The following TRAPPC9 variants were observed in gnomAD, a reference collection of about 807,000 sequenced individuals.
TRAPPC9 encodes the protein trafficking protein particle complex subunit 9.
In TRAPPC9, 83 loss-of-function variants were observed where a neutral mutation model predicts 124.0. The observed-to-expected ratio is 0.67, with a 90% confidence interval of 0.56 to 0.80. TRAPPC9 has a LOEUF of 0.80. TRAPPC9 is among the 30% of genes least tolerant of loss of function. The pLI is 0.00. For missense variants in TRAPPC9, 1,302 were observed against 1,508.3 expected (o/e 0.86, Z 2.27); for synonymous variants, 638 against 617.5 (o/e 1.03, Z -0.49).
At chr8:140,426,788 G>A in intron 4 of TRAPPC9, 147 bp from the exon 5 acceptor site, 1 of 769,018 alleles carries the variant, frequency 1.3e-6, no homozygotes, top group South Asian at 1.6e-5. Flanking sequence ...GGAACAGTAT[G>A]TTACAAGTTT....
At position 139,980,736 on chromosome 8, in the gene TRAPPC9, C is replaced by T. The variant is rs1380110138; in HGVS notation, c.2810+7990G>A. ...GGAGTTGAGGCTGCAGAGGGCTCCG[C>T]GTGGCTCCAGCCCGTGCGTGTTCAT... On this transcript the variant is annotated intron_variant, in intron 19 of 22. Coordinates refer to ENST00000438773, the MANE Select transcript of TRAPPC9 (RefSeq NM_001160372.4). Among the ~76,000 whole-genome samples the T allele has an allele frequency of 4.6e-5, 7 of 152,310 alleles. No individual in the cohort carries two copies. In the East Asian group the frequency reaches 1.4e-3, roughly 29 times the overall value.
chr8:140,334,542 C>T (rs929601696), intron 9 of TRAPPC9, among the ~76,000 whole-genome samples: 1 of 151,832 alleles, frequency 6.6e-6, no homozygotes, highest in East Asian at 1.9e-4. Context: ...CCCAGCTACT[C>T]GGGAGGCTGA....
chr8:140,138,792 G>A (rs546435366), intron 17 of TRAPPC9, among the ~76,000 whole-genome samples: 4 of 152,190 alleles, frequency 2.6e-5, no homozygotes, highest in South Asian at 2.1e-4. Context: ...GGTTGGTGCC[G>A]GTATTTTTTC....
rs1835674183 is a variant in TRAPPC9 at position 139,965,879 on chromosome 8, A to G, written c.2810+22847T>C. Among the ~76,000 whole-genome samples, 3 of 152,232 alleles carry G rather than the reference A, an allele frequency of 2.0e-5. No individual in the cohort carries two copies. The South Asian group carries it at 6.2e-4, about 32-fold the overall frequency. On this transcript the variant is annotated intron_variant, in intron 19 of 22. Coordinates refer to ENST00000438773, the MANE Select transcript of TRAPPC9 (RefSeq NM_001160372.4). Reference sequence around the variant, plus strand: ...TTTCCTTTAACCTAATCACCAATAAACAGCAGTGAGGGAAGCACAGCAGAC... The same window carrying G: ...TTTCCTTTAACCTAATCACCAATAAGCAGCAGTGAGGGAAGCACAGCAGAC...
chr8:139,959,177 T>C (rs1835214384), intron 19 of TRAPPC9, among the ~76,000 whole-genome samples: 1 of 152,194 alleles, frequency 6.6e-6, no homozygotes, highest in South Asian at 2.1e-4. Context: ...TAACCACAGT[T>C]ACCCGTGTGT....
chr8:140,016,454 G>A (rs1284652877), intron 18 of TRAPPC9, among the ~76,000 whole-genome samples: 2 of 152,100 alleles, frequency 1.3e-5, no homozygotes, highest in Admixed American at 6.6e-5. Flanking sequence ...CCTGCCCCAC[G>A]TTACCTTAAC....
rs747702297 is a variant in TRAPPC9, at chr8:140,311,393, C to A, written c.1496-19G>T. On this transcript the variant is annotated intron_variant, in intron 9 of 22. Coordinates refer to ENST00000438773, the MANE Select transcript of TRAPPC9 (RefSeq NM_001160372.4). ...TTCTTTTCTGAAGAGAAGATGAAAA[C>A]AAAATAAAGATGTATTAGGCAAAAG... 8.7e-6 allele frequency: 14 copies of A among 1,612,410 alleles called. No individual in the cohort carries two copies. The highest frequency in any genetic ancestry group is 1.2e-5 in the Non-Finnish European group (14 of 1,179,772).
chr8:140,169,714 T>G (rs561491115), intron 17 of TRAPPC9, among the ~76,000 whole-genome samples: 1 of 152,052 alleles, frequency 6.6e-6, no homozygotes, highest in East Asian at 1.9e-4. Flanking sequence ...AATAGGAAAA[T>G]CTATAGAGAC....
At chr8:139,762,593 A>C (rs1349490700) in intron 21 of TRAPPC9, among the ~76,000 whole-genome samples, 1 of 152,228 alleles carries the variant, frequency 6.6e-6, no homozygotes, top group Non-Finnish European at 1.5e-5. Flanking sequence ...GACACAGAAA[A>C]GGTATGGTAA....
chr8:140,150,872 C>T (rs1451936565), intron 17 of TRAPPC9, among the ~76,000 whole-genome samples: 1 of 152,102 alleles, frequency 6.6e-6, no homozygotes, highest in East Asian at 1.9e-4. Context: ...TCAGTGACTT[C>T]AAATAAGGAC....
At chr8:140,342,324 T>C (rs992815497) in intron 9 of TRAPPC9, among the ~76,000 whole-genome samples, 3 of 152,222 alleles carry the variant, frequency 2.0e-5, no homozygotes, top group Admixed American at 6.5e-5. Context: ...CTATAACTAG[T>C]ATATCCACTA....
chr8:139,821,858 G>A (rs1482438700), intron 21 of TRAPPC9, among the ~76,000 whole-genome samples: 1 of 152,194 alleles, frequency 6.6e-6, no homozygotes, highest in African/African-American at 2.4e-5. Flanking sequence ...GAATCAAAAA[G>A]GTAGCAGCTG....
At chr8:139,978,775 C>T (rs1278745443) in intron 19 of TRAPPC9, among the ~76,000 whole-genome samples, 3 of 152,218 alleles carry the variant, frequency 2.0e-5, no homozygotes, top group Admixed American at 2.0e-4. Context: ...GTTGCCCAGG[C>T]CTGAGGCGGG....
chr8:139,843,839 G>C (rs1347172236), intron 21 of TRAPPC9, among the ~76,000 whole-genome samples: 1 of 152,236 alleles, frequency 6.6e-6, no homozygotes, highest in Non-Finnish European at 1.5e-5. Flanking sequence ...CTCTGGCACT[G>C]CATGAGAATA....
In TRAPPC9 at chr8:140,436,791, T is replaced by C. The variant is rs534420877; in HGVS notation, c.731-1551A>G. On this transcript the variant is annotated intron_variant, in intron 3 of 22. Transcript: ENST00000438773. ...CTCTAATTGATACAATAAGGAGTACTTAGGGAGACAATGCTCTTTCAAGAA... is the reference window on the plus strand; with the variant it reads ...CTCTAATTGATACAATAAGGAGTACCTAGGGAGACAATGCTCTTTCAAGAA... 3.9e-5 allele frequency among the ~76,000 whole-genome samples: 6 copies of C among 152,328 alleles called. No homozygotes were observed. The South Asian group carries it at 1.2e-3, about 32-fold the overall frequency.
At chr8:140,419,204 G>A (rs1461739343) in intron 5 of TRAPPC9, among the ~76,000 whole-genome samples, 10 of 151,988 alleles carry the variant, frequency 6.6e-5, no homozygotes, top group Admixed American at 2.6e-4. Context: ...CGAGGCGGGT[G>A]GATCAGGAGG....
rs149042241 is a variant in TRAPPC9, at chr8:139,775,472, G to A, written c.3056-43270C>T. On this transcript the variant is annotated intron_variant, in intron 21 of 22. Transcript: ENST00000438773. ...CTTTGGCCTGGGCTGGGCCCAGAGCGTGTTGTTCTCAGCTAGAAATCACTG... is the reference window on the plus strand; with the variant it reads ...CTTTGGCCTGGGCTGGGCCCAGAGCATGTTGTTCTCAGCTAGAAATCACTG... Among the ~76,000 whole-genome samples, 248 of 152,374 alleles carry A rather than the reference G, an allele frequency of 1.6e-3. 1 individual carries two copies. The highest frequency in any genetic ancestry group is 0.015 in the South Asian group (72 of 4,830).
At chr8:140,387,485 G>A (rs1050329814) in intron 7 of TRAPPC9, among the ~76,000 whole-genome samples, 5 of 151,994 alleles carry the variant, frequency 3.3e-5, no homozygotes, top group African/African-American at 1.2e-4. Flanking sequence ...TCTGACAAAG[G>A]GCTAATATCC....
intron 7 of TRAPPC9, among the ~76,000 whole-genome samples, chr8:140,379,277 T>C (rs2068534695): frequency 6.6e-6 from 1 of 152,208 alleles, no homozygotes; most frequent in African/African-American, 2.4e-5. Flanking sequence ...CCCTCCATGC[T>C]GTGCTGCCTG....
Sources: gnomAD v4.1 joint callset for allele counts (sites outside exome capture counted in the v4.1 genomes callset) on GRCh38, gnomAD v4.1.1 for gene constraint, MANE v1.5 for transcripts, NCBI Gene and HGNC (gene_info 2026-07-23, HGNC 2026-07-21) for gene names.